Variants in ATP8A2 observed in about 807,000 individuals in gnomAD.
ATP8A2 encodes the protein ATPase phospholipid transporting 8A2.
In ATP8A2, 100 loss-of-function variants were observed where a neutral mutation model predicts 165.6. That is an observed-to-expected ratio of 0.60 (90% confidence interval 0.51 to 0.71). The LOEUF (loss-of-function observed/expected upper bound fraction) is 0.71, where lower values mean the gene tolerates loss of function less well. Among genes scored for constraint, ATP8A2 ranks in the 30% least tolerant of loss-of-function variants. ATP8A2 has a pLI of 0.00. For missense variants in ATP8A2, 1,227 were observed against 1,479.5 expected (o/e 0.83, Z 2.80); for synonymous variants, 543 against 548.8 (o/e 0.99, Z 0.15).
intron 6 of ATP8A2, among the ~76,000 whole-genome samples, chr13:25,536,085 TTAAAC>T (rs1454170966): frequency 6.6e-6 from 1 of 152,186 alleles, no homozygotes; most frequent in African/African-American, 2.4e-5. Flanking sequence ...TTATATGTAA[TTAAAC>T]TATTCATATG....
At position 25,563,984 on chromosome 13, in the gene ATP8A2, T is replaced by C; in HGVS notation, c.1426T>C (p.Cys476Arg). ...GATGCCTCCTCCCTGTAGTGATTCC[T>C]GTGACTTTGATGACCCCAGGCTGTT... ...CRMPPPCSDS[C>R]DFDDPRLLKN... is the part of the protein sequence containing the mutation. Residue 476 changes from cysteine (C) to arginine (R), a missense_variant, in exon 16 of 37, where the codon TGT becomes CGT. Cys to Arg is a radical substitution (Grantham distance 180). Transcript: ENST00000381655. 1 of 1,613,234 alleles carries C rather than the reference T, an allele frequency of 6.2e-7. No homozygotes were observed. The highest frequency in any genetic ancestry group is 8.5e-7 in the Non-Finnish European group (1 of 1,179,140).
intron 25 of ATP8A2, among the ~76,000 whole-genome samples, chr13:25,700,999 G>C (rs1281421714): frequency 6.6e-6 from 1 of 152,132 alleles, no homozygotes; most frequent in Non-Finnish European, 1.5e-5. Context: ...ATCTTCTTTG[G>C]AGAAATGTCT....
At chr13:25,483,463 C>G (rs1300698307) in intron 2 of ATP8A2, among the ~76,000 whole-genome samples, 2 of 152,132 alleles carry the variant, frequency 1.3e-5, no homozygotes, top group Non-Finnish European at 2.9e-5. Context: ...CTTCCTCCAG[C>G]AAGGTAGGGG....
chr13:25,766,495 G>T (rs1049971589), intron 25 of ATP8A2, among the ~76,000 whole-genome samples: 1 of 152,126 alleles, frequency 6.6e-6, no homozygotes, highest in Non-Finnish European at 1.5e-5. Context: ...ACGACTTCTC[G>T]AACTTTAGGG....
chr13:25,623,791 A>T (rs1565989536), intron 24 of ATP8A2, among the ~76,000 whole-genome samples: 1 of 152,124 alleles, frequency 6.6e-6, no homozygotes, highest in African/African-American at 2.4e-5. Flanking sequence ...GCATATAGAG[A>T]TATATATGCA....
chr13:25,639,865 T>C (rs2041469864), intron 24 of ATP8A2, among the ~76,000 whole-genome samples: 1 of 152,146 alleles, frequency 6.6e-6, no homozygotes, highest in African/African-American at 2.4e-5. Flanking sequence ...AAAGCACTCC[T>C]CAGCAAATGT....
At chr13:25,937,362 C>CTTTTTTTTTTTTTTTTTTTTTTTTT (rs1555293658) in intron 33 of ATP8A2, among the ~76,000 whole-genome samples, 8 of 38,796 alleles carry the variant, frequency 2.1e-4, no homozygotes, top group Non-Finnish European at 2.7e-4. Context: ...TTCTTTCTTT[C>CTTTTTTTTTTTTTTTTTTTTTTTTT]TTTTTTTTTT....
At chr13:25,892,978 A>G (rs949138943) in intron 33 of ATP8A2, among the ~76,000 whole-genome samples, 8 of 152,124 alleles carry the variant, frequency 5.3e-5, no homozygotes, top group Admixed American at 1.3e-4. Context: ...TATCAAACAT[A>G]GGACATATCA....
At chr13:26,005,151 T>C (rs563910313) in intron 35 of ATP8A2, among the ~76,000 whole-genome samples, 5 of 152,154 alleles carry the variant, frequency 3.3e-5, no homozygotes, top group Admixed American at 3.3e-4. Flanking sequence ...AGATCCAATC[T>C]CCTTCCTTGT....
chr13:25,661,432 A>G (rs538611768), intron 24 of ATP8A2, among the ~76,000 whole-genome samples: 58 of 152,320 alleles, frequency 3.8e-4, no homozygotes, highest in Middle Eastern at 3.4e-3. Context: ...TGGTAGAGCC[A>G]CACAATTTTT....
chr13:25,801,745 A>G (rs750827628), intron 27 of ATP8A2, among the ~76,000 whole-genome samples: 61 of 152,328 alleles, frequency 4.0e-4, no homozygotes, highest in African/African-American at 1.3e-3. Context: ...CACTGCTAAT[A>G]AAGAACTGCC....
intron 25 of ATP8A2, among the ~76,000 whole-genome samples, chr13:25,716,214 A>C (rs2043251823): frequency 6.6e-6 from 1 of 152,210 alleles, no homozygotes; most frequent in Non-Finnish European, 1.5e-5. Flanking sequence ...TTCTTTATAT[A>C]GTCTTAATGT....
intron 30 of ATP8A2, among the ~76,000 whole-genome samples, chr13:25,846,233 G>A (rs909721796): frequency 6.6e-6 from 1 of 152,156 alleles, no homozygotes; most frequent in Non-Finnish European, 1.5e-5. Context: ...CTCCTCCTGT[G>A]TTCTGGGGAC....
At chr13:25,960,296 G>C (rs1955630191) in intron 33 of ATP8A2, among the ~76,000 whole-genome samples, 1 of 152,168 alleles carries the variant, frequency 6.6e-6, no homozygotes. Context: ...GTTGACTCTT[G>C]GATGCCAGGC....
chr13:25,944,371 G>A (rs1461324028), intron 33 of ATP8A2: 2 of 152,250 alleles, frequency 1.3e-5, no homozygotes, highest in African/African-American at 4.8e-5. Flanking sequence ...GCCAGATGTG[G>A]TGGCATATGC....
intron 1 of ATP8A2, among the ~76,000 whole-genome samples, chr13:25,399,572 T>G (rs2033557771): frequency 1.2e-5 from 1 of 86,090 alleles, no homozygotes; most frequent in Non-Finnish European, 2.5e-5. Flanking sequence ...CTAATTTTTT[T>G]TTTGTATTTT....
chr13:25,945,870 G>C (rs1302837961), intron 33 of ATP8A2, among the ~76,000 whole-genome samples: 1 of 152,194 alleles, frequency 6.6e-6, no homozygotes, highest in Non-Finnish European at 1.5e-5. Flanking sequence ...TTTACAGTCA[G>C]AGCTGTTTCA....
intron 23 of ATP8A2, among the ~76,000 whole-genome samples, chr13:25,586,913 A>G (rs1265729768): frequency 2.0e-5 from 3 of 152,206 alleles, no homozygotes; most frequent in Non-Finnish European, 4.4e-5. Context: ...TGCCGTAAGT[A>G]CCATAGACTA....
chr13:26,015,177 T>C (rs748848532), intron 36 of ATP8A2, among the ~76,000 whole-genome samples: 2 of 147,948 alleles, frequency 1.4e-5, no homozygotes, highest in Non-Finnish European at 2.9e-5. Flanking sequence ...AGAAGGCTTC[T>C]GAAATCACAC....
Sources: allele counts gnomAD v4.1 joint callset (sites outside exome capture counted in the v4.1 genomes callset), GRCh38; gene constraint gnomAD v4.1.1; transcripts MANE v1.5; gene names NCBI Gene and HGNC (gene_info 2026-07-23, HGNC 2026-07-21).